The following XIRP2 variants were observed in gnomAD, a reference collection of about 807,000 sequenced individuals.
The protein encoded by XIRP2 is xin actin binding repeat containing 2.
A neutral mutation model predicts 277.0 loss-of-function variants in XIRP2; 236 were observed. The ratio of observed to expected loss-of-function variants is 0.85; its 90% CI spans 0.77 to 0.95. The LOEUF (loss-of-function observed/expected upper bound fraction) is 0.95, where lower values mean the gene tolerates loss of function less well. XIRP2 is among the 40% of genes least tolerant of loss of function. The pLI is 0.00. For synonymous variants in XIRP2, 1,490 were observed against 1,416.5 expected (o/e 1.05, Z -1.17); for missense variants, 4,640 against 4,157.5 (o/e 1.12, Z -3.19).
intron 2 of XIRP2, among the ~76,000 whole-genome samples, chr2:167,016,885 A>G (rs949481421): frequency 6.6e-6 from 1 of 152,108 alleles, no homozygotes. Flanking sequence ...TAGGGAAGAA[A>G]TGAGAAAAAA....
intron 2 of XIRP2, among the ~76,000 whole-genome samples, chr2:167,047,368 C>A (rs146172506): frequency 1.3e-5 from 2 of 151,368 alleles, no homozygotes. Context: ...AGTAGCTTCA[C>A]CGAGATAACA....
chr2:167,160,483 T>C (rs1436549807), intron 3 of XIRP2, among the ~76,000 whole-genome samples: 1 of 152,180 alleles, frequency 6.6e-6, no homozygotes, highest in Non-Finnish European at 1.5e-5. Context: ...CAGTCCCATG[T>C]GGTGGGGGAA....
intron 3 of XIRP2, among the ~76,000 whole-genome samples, chr2:167,142,614 C>T (rs1484940201): frequency 1.3e-5 from 2 of 151,624 alleles, no homozygotes; most frequent in Admixed American, 1.3e-4. Flanking sequence ...TTTGTGTTAC[C>T]TAATGGGTTT....
At chr2:167,216,988 A>G (rs1468070831) in intron 4 of XIRP2, among the ~76,000 whole-genome samples, 1 of 143,230 alleles carries the variant, frequency 7.0e-6, no homozygotes. Context: ...TTGTAGGGAC[A>G]TGGATGAAAT....
rs201267098 is a variant in XIRP2, at chr2:167,247,336, G to T, written c.5944G>T (p.Gly1982Cys). 3 of 1,613,630 alleles carry T rather than the reference G, an allele frequency of 1.9e-6. No individual in the cohort carries two copies. The East Asian group carries it at 6.7e-5, about 36-fold the overall frequency. Residue 1982 changes from glycine (G) to cysteine (C), a missense_variant, in exon 9 of 11, where the codon GGT (glycine) becomes TGT (cysteine). By Grantham distance (159) the Gly-to-Cys change is radical. Coordinates refer to ENST00000409195, the MANE Select transcript of XIRP2 (RefSeq NM_152381.6). Reference protein sequence around the residue: ...NKNSLLQPKPGPFEPAAKWQG... With the variant: ...NKNSLLQPKPCPFEPAAKWQG... ...AAATAGTCTTCTTCAGCCAAAGCCA[G>T]GTCCATTTGAGCCAGCGGCCAAGTG...
intron 2 of XIRP2, among the ~76,000 whole-genome samples, chr2:167,070,295 G>C (rs1689406270): frequency 6.6e-6 from 1 of 152,080 alleles, no homozygotes; most frequent in African/African-American, 2.4e-5. Context: ...TCTTCATTCA[G>C]TAGCCTTTAT....
At chr2:167,080,574 G>A (rs1393682343) in intron 2 of XIRP2, among the ~76,000 whole-genome samples, 4 of 152,142 alleles carry the variant, frequency 2.6e-5, no homozygotes, top group Non-Finnish European at 5.9e-5. Flanking sequence ...AGGAGATTAA[G>A]CAAAGCAAAG....
chr2:167,255,824 G>A (rs896195945), intron 10 of XIRP2, among the ~76,000 whole-genome samples: 2 of 151,912 alleles, frequency 1.3e-5, no homozygotes, highest in Non-Finnish European at 2.9e-5. Context: ...AACAATATTC[G>A]TTGAATTCTT....
At chr2:167,077,173 C>T (rs956402209) in intron 2 of XIRP2, among the ~76,000 whole-genome samples, 9 of 151,930 alleles carry the variant, frequency 5.9e-5, no homozygotes. Flanking sequence ...TTTCATTTTG[C>T]TTTCATAGAT....
intron 2 of XIRP2, among the ~76,000 whole-genome samples, chr2:166,938,246 C>T (rs1275795233): frequency 1.3e-5 from 2 of 152,112 alleles, no homozygotes; most frequent in Admixed American, 1.3e-4. Flanking sequence ...CTGTAAATTT[C>T]CCTCTACACA....
rs1452180401 is a variant in XIRP2 at position 167,249,934 on chromosome 2, T to C, written c.8542T>C (p.Ser2848Pro). The C allele has an allele frequency of 6.2e-7, 1 of 1,613,386 alleles. No homozygotes were observed. The highest frequency in any genetic ancestry group is 2.2e-5 in the East Asian group (1 of 44,818). Residue 2848 changes from serine to proline, a missense_variant, in exon 9 of 11, where the codon TCA becomes CCA. By Grantham distance (74) the Ser-to-Pro change is moderately conservative (BLOSUM62 -1). Transcript: ENST00000409195. ...ERKHEHLKNK[S>P]APKVVKQKVI... ...AAAACACGAACATCTGAAGAATAAA[T>C]CAGCACCAAAGGTCGTCAAGCAAAA...
chr2:166,916,746 G>A (rs2063437), intron 2 of XIRP2, among the ~76,000 whole-genome samples: 31,607 of 151,992 alleles, frequency 0.21, 3,983 homozygotes, highest in Admixed American at 0.28. Context: ...TTTCAGCATG[G>A]CATATGAGAA....
At chr2:167,225,034 C>A (rs1045037356) in intron 5 of XIRP2, among the ~76,000 whole-genome samples, 4 of 152,038 alleles carry the variant, frequency 2.6e-5, no homozygotes, top group Non-Finnish European at 5.9e-5. Flanking sequence ...AATTGTTTAA[C>A]CCCAACTATA....
chr2:167,122,832 G>A (rs1032988210), intron 2 of XIRP2, among the ~76,000 whole-genome samples: 5 of 152,054 alleles, frequency 3.3e-5, no homozygotes, highest in Non-Finnish European at 5.9e-5. Context: ...CTTTTATTTT[G>A]AGAACATGTC....
chr2:167,215,221 G>T (rs1292923247), intron 4 of XIRP2, among the ~76,000 whole-genome samples: 1 of 152,104 alleles, frequency 6.6e-6, no homozygotes, highest in Non-Finnish European at 1.5e-5. Context: ...AAGGGGTGCT[G>T]TACATTTTTC....
intron 2 of XIRP2, among the ~76,000 whole-genome samples, chr2:166,978,367 A>T (rs1686771524): frequency 6.6e-6 from 1 of 152,180 alleles, no homozygotes; most frequent in Admixed American, 6.5e-5. Context: ...TTACAATTCC[A>T]TAGAATTCAC....
chr2:167,033,255 A>C (rs985786036), intron 2 of XIRP2, among the ~76,000 whole-genome samples: 2 of 152,090 alleles, frequency 1.3e-5, no homozygotes, highest in Non-Finnish European at 2.9e-5. Flanking sequence ...ACACATAGAC[A>C]CATGGAGGGG....
intron 2 of XIRP2, among the ~76,000 whole-genome samples, chr2:167,132,880 T>C (rs751289588): frequency 3.9e-5 from 6 of 152,208 alleles, no homozygotes; most frequent in Non-Finnish European, 7.3e-5. Flanking sequence ...TAGAGTTGCA[T>C]GTTTAATACT....
At chr2:167,094,026 GTATCTCATTGTGATTT>G (rs1409365089) in intron 2 of XIRP2, among the ~76,000 whole-genome samples, 2 of 152,108 alleles carry the variant, frequency 1.3e-5, no homozygotes, top group Non-Finnish European at 1.5e-5. Flanking sequence ...GCATGAGATG[GTATCTCATTGTGATTT>G]TAATTTGCAT....
Sources: gnomAD v4.1 joint callset for allele counts (sites outside exome capture counted in the v4.1 genomes callset) on GRCh38, gnomAD v4.1.1 for gene constraint, MANE v1.5 for transcripts, NCBI Gene and HGNC (gene_info 2026-07-23, HGNC 2026-07-21) for gene names.